GRIA4: variants seen among roughly 807,000 people sequenced by gnomAD.
The protein encoded by GRIA4 is glutamate ionotropic receptor AMPA type subunit 4.
GRIA4 carries 34 observed loss-of-function variants against 104.0 expected under a neutral mutation model. The observed-to-expected ratio is 0.33, with a 90% CI of 0.25 to 0.44. The LOEUF (loss-of-function observed/expected upper bound fraction) is 0.44. Ranked by LOEUF, GRIA4 falls within the 20% of genes least tolerant of loss-of-function variation. GRIA4 has a pLI of 1.00. For synonymous variants in GRIA4, 386 were observed against 381.9 expected (o/e 1.01, Z -0.13); for missense variants, 750 against 1,096.5 (o/e 0.68, Z 4.46).
intron 3 of GRIA4, among the ~76,000 whole-genome samples, chr11:105,645,649 C>A (rs1951505339): frequency 1.3e-5 from 2 of 152,170 alleles, no homozygotes; most frequent in South Asian, 4.1e-4. Context: ...AAGAAGGACA[C>A]CACTGAGTAG....
intron 4 of GRIA4, among the ~76,000 whole-genome samples, chr11:105,782,679 G>A (rs1300375289): frequency 6.6e-6 from 1 of 152,160 alleles, no homozygotes; most frequent in East Asian, 1.9e-4. Context: ...AGAGAAAGGG[G>A]TGTGGACTTA....
At chr11:105,721,291 A>G (rs1937797631) in intron 3 of GRIA4, among the ~76,000 whole-genome samples, 1 of 152,012 alleles carries the variant, frequency 6.6e-6, no homozygotes, top group African/African-American at 2.4e-5. Flanking sequence ...GCTTAAGTTT[A>G]TTTCCGAGTA....
chr11:105,759,951 C>T (rs770751649), intron 4 of GRIA4, among the ~76,000 whole-genome samples: 1 of 146,990 alleles, frequency 6.8e-6, no homozygotes, highest in Non-Finnish European at 1.5e-5. Context: ...AAGAATAGTG[C>T]CCCCATACAG....
intron 5 of GRIA4, among the ~76,000 whole-genome samples, chr11:105,882,859 T>C (rs965916024): frequency 6.6e-6 from 1 of 152,198 alleles, no homozygotes; most frequent in Non-Finnish European, 1.5e-5. Flanking sequence ...AAAAGTGTCC[T>C]AATTCATTTT....
At chr11:105,693,169 A>G (rs916045152) in intron 3 of GRIA4, among the ~76,000 whole-genome samples, 2 of 152,336 alleles carry the variant, frequency 1.3e-5, no homozygotes, top group African/African-American at 4.8e-5. Flanking sequence ...ATCATTAATA[A>G]AAAAGAAATT....
chr11:105,786,143 T>C (rs1241676237), intron 4 of GRIA4, among the ~76,000 whole-genome samples: 1 of 17,584 alleles, frequency 5.7e-5, no homozygotes, highest in African/African-American at 2.3e-4. Context: ...AGACCCTTTC[T>C]CAAAAAAAAA....
At chr11:105,922,081 T>C (rs927393106) in intron 11 of GRIA4, among the ~76,000 whole-genome samples, 1 of 152,042 alleles carries the variant, frequency 6.6e-6, no homozygotes, top group Non-Finnish European at 1.5e-5. Context: ...AATTGCAACA[T>C]ATATGGGAAA....
At chr11:105,788,752 G>T (rs1477891880) in intron 4 of GRIA4, among the ~76,000 whole-genome samples, 1 of 152,140 alleles carries the variant, frequency 6.6e-6, no homozygotes, top group Non-Finnish European at 1.5e-5. Context: ...AAGGGATGAG[G>T]TTGGGGATAG....
At chr11:105,869,842 A>G (rs1945551427) in intron 5 of GRIA4, among the ~76,000 whole-genome samples, 1 of 152,092 alleles carries the variant, frequency 6.6e-6, no homozygotes, top group Non-Finnish European at 1.5e-5. Flanking sequence ...CTAATTGGAC[A>G]CTAGTTCCCT....
intron 14 of GRIA4, chr11:105,945,436 G>A (rs1007492749): frequency 6.2e-6 from 5 of 804,080 alleles, no homozygotes; most frequent in Non-Finnish European, 7.5e-6. Context: ...TTCTATTATT[G>A]TTTAACTTTG....
intron 4 of GRIA4, among the ~76,000 whole-genome samples, chr11:105,823,297 G>A (rs942104414): frequency 6.6e-6 from 1 of 152,108 alleles, no homozygotes; most frequent in Non-Finnish European, 1.5e-5. Context: ...AGACCGAAGA[G>A]GTGGATTTCT....
chr11:105,866,756 A>C (rs1945436085), intron 5 of GRIA4, among the ~76,000 whole-genome samples: 1 of 151,746 alleles, frequency 6.6e-6, no homozygotes, highest in Non-Finnish European at 1.5e-5. Context: ...GTGATAAAGG[A>C]TCTTACACTG....
chr11:105,893,105 G>A (rs1219921471), intron 6 of GRIA4, among the ~76,000 whole-genome samples: 1 of 152,046 alleles, frequency 6.6e-6, no homozygotes, highest in African/African-American at 2.4e-5. Context: ...TCTAGAGAGT[G>A]GTAATTAACC....
chr11:105,811,486 C>T (rs576094163), intron 4 of GRIA4, among the ~76,000 whole-genome samples: 14 of 152,052 alleles, frequency 9.2e-5, no homozygotes, highest in Non-Finnish European at 1.3e-4. Context: ...TGTCAGTGAA[C>T]GAAGGGGTGA....
intron 4 of GRIA4, among the ~76,000 whole-genome samples, chr11:105,799,419 G>A (rs1942621879): frequency 1.3e-5 from 2 of 152,052 alleles, no homozygotes; most frequent in Admixed American, 6.6e-5. Flanking sequence ...AGTTGCTGGA[G>A]GGAAAATGGG....
intron 3 of GRIA4, among the ~76,000 whole-genome samples, chr11:105,657,672 G>T (rs141831735): frequency 6.7e-4 from 102 of 152,042 alleles, no homozygotes; most frequent in African/African-American, 2.0e-3. Context: ...AATCAGATTA[G>T]ATGTGTCTCT....
chr11:105,757,955 A>T (rs1565522481), intron 4 of GRIA4, among the ~76,000 whole-genome samples: 1 of 152,170 alleles, frequency 6.6e-6, no homozygotes, highest in Non-Finnish European at 1.5e-5. Context: ...TTGTATAAAA[A>T]TTTTTTGGCT....
At chr11:105,652,150 C>A (rs1052817700) in intron 3 of GRIA4, among the ~76,000 whole-genome samples, 5 of 152,002 alleles carry the variant, frequency 3.3e-5, no homozygotes, top group Non-Finnish European at 5.9e-5. Context: ...TCAGCATTTT[C>A]ATTGTATTAA....
chr11:105,817,340 C>T (rs1943419054), intron 4 of GRIA4, among the ~76,000 whole-genome samples: 1 of 147,870 alleles, frequency 6.8e-6, no homozygotes, highest in African/African-American at 2.5e-5. Flanking sequence ...CTAGTATGGA[C>T]CATGGCTTAT....
Sources: allele counts gnomAD v4.1 joint callset (sites outside exome capture counted in the v4.1 genomes callset), GRCh38; gene constraint gnomAD v4.1.1; transcripts MANE v1.5; gene names NCBI Gene and HGNC (gene_info 2026-07-23, HGNC 2026-07-21).